The following SYNE1 variants were observed in gnomAD, a reference collection of about 807,000 sequenced individuals.
The protein encoded by SYNE1 is spectrin repeat containing nuclear envelope protein 1.
A neutral mutation model predicts 1,111.0 loss-of-function variants in SYNE1; 616 were observed. The ratio of observed to expected loss-of-function variants is 0.55; its 90% confidence interval spans 0.52 to 0.59. The LOEUF is 0.59. Ranked by LOEUF, SYNE1 falls within the 20% of genes least tolerant of loss-of-function variation. The pLI, the probability that SYNE1 is intolerant of heterozygous loss-of-function variation, is 0.00. For synonymous variants in SYNE1, 3,855 were observed against 3,825.8 expected, an observed-to-expected ratio of 1.01 and a Z score of -0.28; for missense variants, 10,006 against 10,417.0, an observed-to-expected ratio of 0.96 and a Z score of 1.72.
At chr6:152,377,631 A>T (rs2097310493) in intron 56 of SYNE1, among the ~76,000 whole-genome samples, 1 of 96,844 alleles carries the variant, frequency 1.0e-5, no homozygotes, top group African/African-American at 4.9e-5. Context: ...AAAAAAAAAA[A>T]AAAAAAAAAA....
At chr6:152,280,702 G>A (rs376767409) in intron 97 of SYNE1, among the ~76,000 whole-genome samples, 1 of 152,192 alleles carries the variant, frequency 6.6e-6, no homozygotes, top group Non-Finnish European at 1.5e-5. Context: ...ATGTTAGTTT[G>A]GGTGGTAACT....
Position 152,350,250 on chromosome 6 carries a change from T to G in SYNE1, c.11819A>C (p.Gln3940Pro), listed in dbSNP as rs558906344. The change falls in exon 72 of 146, where the codon CAG becomes CCG. Residue 3940 changes from glutamine to proline, a missense_variant. Coordinates refer to ENST00000367255, the MANE Select transcript of SYNE1 (RefSeq NM_182961.4). ...ELQEVEKWLL[Q>P]MSGRLVAPDL... Reference sequence around the variant, plus strand: ...AGGTGCCACCAGTCTGCCAGACATCTGCAGCAGCCACTTTTCGACCTCTTG... The same window carrying G: ...AGGTGCCACCAGTCTGCCAGACATCGGCAGCAGCCACTTTTCGACCTCTTG... The G allele has an allele frequency of 6.2e-7, 1 of 1,614,200 alleles. No individual in the cohort carries two copies. The highest frequency in any genetic ancestry group is 8.5e-7 in the Non-Finnish European group (1 of 1,180,046).
At chr6:152,183,238 C>G (rs999892454) in intron 128 of SYNE1, among the ~76,000 whole-genome samples, 1 of 152,174 alleles carries the variant, frequency 6.6e-6, no homozygotes, top group African/African-American at 2.4e-5. Context: ...AGTCAGGAGT[C>G]TGGCTGGTAG....
intron 29 of SYNE1, among the ~76,000 whole-genome samples, chr6:152,446,426 CACAT>C (rs2098593097): frequency 6.6e-6 from 1 of 152,066 alleles, no homozygotes; most frequent in African/African-American, 2.4e-5. Context: ...TAAAAATTCT[CACAT>C]AAAACTAAAA....
intron 3 of SYNE1, among the ~76,000 whole-genome samples, chr6:152,560,479 A>T (rs957692393): frequency 1.3e-5 from 2 of 152,190 alleles, no homozygotes; most frequent in African/African-American, 4.8e-5. Context: ...CCAGGACCTG[A>T]TGGTTTTATG....
At chr6:152,571,173 A>G (rs1457102896) in intron 3 of SYNE1, among the ~76,000 whole-genome samples, 1 of 152,180 alleles carries the variant, frequency 6.6e-6, no homozygotes, top group African/African-American at 2.4e-5. Context: ...AATGTGTTCC[A>G]TTCTGAGGTT....
intron 25 of SYNE1, among the ~76,000 whole-genome samples, chr6:152,451,937 G>A (rs1203045732): frequency 1.3e-5 from 2 of 151,790 alleles, no homozygotes; most frequent in Non-Finnish European, 2.9e-5. Context: ...GGTAGGAGGG[G>A]CAGCTATTAT....
In SYNE1 at chr6:152,331,871, C is replaced by G; in HGVS notation, c.12814G>C (p.Ala4272Pro). 1 of 1,612,486 alleles carries G rather than the reference C, an allele frequency of 6.2e-7. No homozygotes were observed. Among genetic ancestry groups the G allele is most frequent in the Non-Finnish European group, 8.5e-7 (1 of 1,180,026 alleles). ...NLARSDAEST[A>P]VHLEALKKLA... ...TTTTTCAAAGCTTCCAGGTGGACAGCTGTACTCTCTGCATCAGATCTGAAA... is the reference window on the plus strand; with the variant it reads ...TTTTTCAAAGCTTCCAGGTGGACAGGTGTACTCTCTGCATCAGATCTGAAA... Residue 4272 changes from alanine (A) to proline (P), a missense_variant, in exon 78 of 146, where the codon GCT (alanine) becomes CCT (proline). Physicochemically the swap from Ala to Pro is conservative, Grantham distance 27. Around this residue, in one of 7 missense-constraint regions of SYNE1, gnomAD observed 4,955 missense variants for 5,017.2 expected, o/e 0.99. Transcript: ENST00000367255.
At chr6:152,246,033 G>A (rs981013895) in intron 105 of SYNE1, among the ~76,000 whole-genome samples, 5 of 152,116 alleles carry the variant, frequency 3.3e-5, no homozygotes, top group Middle Eastern at 3.2e-3. Flanking sequence ...CAGGGCTCTA[G>A]TCTCCAGAGA....
intron 86 of SYNE1, among the ~76,000 whole-genome samples, chr6:152,317,269 C>T (rs183611601): frequency 1.3e-4 from 19 of 150,784 alleles, no homozygotes; most frequent in Admixed American, 7.3e-4. Context: ...ACTGTCACCC[C>T]GGCTGGAATG....
intron 3 of SYNE1, among the ~76,000 whole-genome samples, chr6:152,597,082 G>T (rs1344779767): frequency 6.6e-6 from 1 of 152,140 alleles, no homozygotes; most frequent in Non-Finnish European, 1.5e-5. Flanking sequence ...TTGTTAAATT[G>T]ATATGAAGTG....
Position 152,465,168 on chromosome 6 carries a change from T to C in SYNE1, c.1932+90A>G, listed in dbSNP as rs927203652. ...AAGATTCTTGAGTGACACTTGTAAA[T>C]ATATGCGACCCCCTAGTGAGCTACG... On this transcript the variant is annotated intron_variant, in intron 18 of 145. Transcript: ENST00000367255. 3.5e-6 allele frequency: 5 copies of C among 1,420,646 alleles called. No individual in the cohort carries two copies. In the Admixed American group the frequency reaches 6.8e-5, roughly 19 times the overall value. The allele number at this position is 1,420,646 out of a possible 1,614,324, so 88.0% of individuals were successfully genotyped here. A position where few individuals can be genotyped will look rare whatever the true frequency, so the allele number is the denominator to read the frequency against.
rs766056298 is a variant in SYNE1 at position 152,224,902 on chromosome 6, A to AATAT, written c.21352-242_21352-239dup. Among the ~76,000 whole-genome samples, 611 of 145,140 alleles carry AATAT rather than the reference A, an allele frequency of 4.2e-3. 3 individuals are homozygous for AATAT. The highest frequency in any genetic ancestry group is 0.015 in the African/African-American group (581 of 39,250). On this transcript the variant is annotated intron_variant, in intron 116 of 145. Transcript: ENST00000367255. The stretch of plus-strand genomic sequence containing the variant: ...GAAATGCTTAAAAGGGTAACTGATA[A>AATAT]ATATATATATATATGTATATATATA...
At chr6:152,440,142 T>G (rs1473088412) in intron 32 of SYNE1, among the ~76,000 whole-genome samples, 1 of 152,166 alleles carries the variant, frequency 6.6e-6, no homozygotes, top group Non-Finnish European at 1.5e-5. Flanking sequence ...TCTGTTTCTG[T>G]GTAACACCTG....
At chr6:152,142,954 G>A (rs1181851147) in intron 138 of SYNE1, among the ~76,000 whole-genome samples, 1 of 152,182 alleles carries the variant, frequency 6.6e-6, no homozygotes, top group African/African-American at 2.4e-5. Context: ...AGAAGAGACT[G>A]GCTTTAAAAT....
intron 4 of SYNE1, among the ~76,000 whole-genome samples, chr6:152,535,103 A>G (rs1010006433): frequency 2.0e-5 from 3 of 152,250 alleles, no homozygotes; most frequent in Non-Finnish European, 4.4e-5. Flanking sequence ...GGTCATTAGC[A>G]TGGGTCCTAA....
At chr6:152,372,903 G>T in intron 59 of SYNE1, 134 bp downstream of exon 59, 3 of 935,826 alleles carry the variant, frequency 3.2e-6, no homozygotes, top group Middle Eastern at 3.1e-4. Flanking sequence ...TTAGCCCATT[G>T]TCTTCTTATG....
Position 152,419,692 on chromosome 6 carries a change from T to C in SYNE1, c.5298A>G (p.Glu1766=), listed in dbSNP as rs1215390529. ...GCAGCAGCTCATCAAATTGCTGGTG[T>C]TCAGCAACCACAGACTGAAGAAAAT... is the stretch of plus-strand genomic sequence containing the variant. The part of the protein sequence containing the change: ...RINFLQSVVA[E]HQQFDELLLS... The change falls in exon 40 of 146, where the codon GAA becomes GAG. Residue 1766 remains glutamate (E), a synonymous_variant. Transcript: ENST00000367255. The C allele has an allele frequency of 1.9e-6, 3 of 1,614,082 alleles. No homozygotes were observed. Among genetic ancestry groups the C allele is most frequent in the South Asian group, 1.1e-5 (1 of 91,072 alleles).
intron 70 of SYNE1, 36 bp downstream of exon 70, chr6:152,351,991 C>A (rs746344291): frequency 7.5e-6 from 12 of 1,602,266 alleles, no homozygotes; most frequent in Admixed American, 6.7e-5. Context: ...CTCTGTGTGA[C>A]CTCTGCATGC....
Sources: gnomAD v4.1 joint callset for allele counts (sites outside exome capture counted in the v4.1 genomes callset) on GRCh38, gnomAD v4.1.1 for gene constraint, gnomAD v4.1.1 regional missense constraint, MANE v1.5 for transcripts, NCBI Gene and HGNC (gene_info 2026-07-23, HGNC 2026-07-21) for gene names.